MLLT6: variants seen among roughly 807,000 people sequenced by gnomAD.
MLLT6 encodes the protein protein AF-17.
A neutral mutation model predicts 103.0 loss-of-function variants in MLLT6; 22 were observed. The ratio of observed to expected loss-of-function variants is 0.21; its 90% confidence interval spans 0.15 to 0.31. The LOEUF (loss-of-function observed/expected upper bound fraction) is 0.31. Ranked by LOEUF, MLLT6 falls within the 10% of genes least tolerant of loss-of-function variation. The pLI, the probability that MLLT6 is intolerant of heterozygous loss-of-function variation, is 1.00. For missense variants in MLLT6, 1,199 were observed against 1,441.7 expected (o/e 0.83, Z 2.73); for synonymous variants, 606 against 623.5 (o/e 0.97, Z 0.42).
At position 38,715,641 on chromosome 17, in the gene MLLT6, C is replaced by G. The variant is rs758514048; in HGVS notation, c.849C>G (p.His283Gln). The G allele has an allele frequency of 5.0e-6, 8 of 1,613,702 alleles. No homozygotes were observed. The highest frequency in any genetic ancestry group is 2.2e-5 in the East Asian group (1 of 44,886). ...KVSSSASSSS[H>Q]HEASTQETSE... ...CCTCCTCGGCTTCCTCTTCCTCCCA[C>G]CACGAGGCCAGCACGCAGGAGACCT... The change falls in exon 9 of 20, where the codon CAC becomes CAG. Residue 283 changes from histidine (H) to glutamine (Q), a missense_variant. Physicochemically the swap from His to Gln is conservative, Grantham distance 24 (BLOSUM62 0). Around this residue, in one of 7 missense-constraint regions of MLLT6, gnomAD observed 1,034 missense variants for 1,091.5 expected, o/e 0.95. Transcript: ENST00000621332.
chr17:38,722,159 C>A lies in MLLT6; in HGVS notation c.2724C>A (p.Ala908=). ...GLLGGLNGAA[A]PNPASLSQAG... The stretch of plus-strand genomic sequence containing the variant: ...TTGGGGGGTTGAATGGGGCCGCTGC[C>A]CCCAACCCCGCAAGCTTGAGCCAGG... Residue 908 remains alanine, a synonymous_variant, in exon 17 of 20, where the codon GCC becomes GCA. Coordinates refer to ENST00000621332, the MANE Select transcript of MLLT6 (RefSeq NM_005937.4). The A allele has an allele frequency of 7.3e-7, 1 of 1,372,570 alleles. No homozygotes were observed. The highest frequency in any genetic ancestry group is 9.4e-7 in the Non-Finnish European group (1 of 1,068,468). The allele number at this position is 1,372,570 out of a possible 1,614,324, so 85.0% of individuals were successfully genotyped here.
Position 38,720,333 on chromosome 17 carries a change from C to T in MLLT6, c.2156-39C>T, listed in dbSNP as rs776797456. 1.5e-5 allele frequency: 22 copies of T among 1,444,032 alleles called. No individual in the cohort carries two copies. In the African/African-American group the frequency reaches 2.1e-4, roughly 14 times the overall value. 89.5% of individuals were successfully genotyped at this position (1,444,032 alleles called of 1,614,324 possible). A position where few individuals can be genotyped will look rare whatever the true frequency, so the allele number is the denominator to read the frequency against. ...CCCGGTCCCCTGGCCCCGCCTCCGC[C>T]CCCTCGCCCCTCCCTCAGGTTCCTC... On this transcript the variant is annotated intron_variant, in intron 14 of 19. Coordinates refer to ENST00000621332, the MANE Select transcript of MLLT6 (RefSeq NM_005937.4).
chr17:38,715,232 G>A (rs924648200), intron 8 of MLLT6: 19 of 177,140 alleles, frequency 1.1e-4, no homozygotes, highest in Admixed American at 2.9e-4. Context: ...TCTCTGCCTC[G>A]CCACTTCCAG....
At chr17:38,712,828 C>A in intron 8 of MLLT6, 39 bp downstream of exon 8, 1 of 1,497,634 alleles carries the variant, frequency 6.7e-7, no homozygotes, top group Non-Finnish European at 9.3e-7. Context: ...GTGTGTGGGT[C>A]TGGGGTGGCA....
rs538734981 is a variant in MLLT6 at position 38,707,670 on chromosome 17, T to C, written c.245-93T>C. Reference sequence around the variant, plus strand: ...TGGCGCTGGAATCTGATGGGAAGGCTGTGGAGGAGGGAACAGTCTGCAGCG... The same window carrying C: ...TGGCGCTGGAATCTGATGGGAAGGCCGTGGAGGAGGGAACAGTCTGCAGCG... On this transcript the variant is annotated intron_variant, in intron 3 of 19. Transcript: ENST00000621332. 1.9e-5 allele frequency: 23 copies of C among 1,239,662 alleles called. No individual in the cohort carries two copies. The African/African-American group carries it at 3.3e-4, about 18-fold the overall frequency. 76.8% of individuals were successfully genotyped at this position (1,239,662 alleles called of 1,614,324 possible).
chr17:38,720,886 A>C (rs1230258381), intron 16 of MLLT6, 139 bp downstream of exon 16: 1 of 750,156 alleles, frequency 1.3e-6, no homozygotes, highest in East Asian at 2.7e-5. Context: ...GTCCTCCCTT[A>C]ATCAAGTAAT....
chr17:38,719,520 C>G lies in MLLT6; in HGVS notation c.1946C>G (p.Pro649Arg). 6.2e-7 allele frequency: 1 copy of G among 1,610,050 alleles called. No individual in the cohort carries two copies. ...CCCAGCCTTCCCTTCTTCCAAGAGC[C>G]AGACCTGGAGGACTGCAGCTTCCGG... ...LSQAESSHTE[P>R]DLEDCSFRCR... Residue 649 changes from proline to arginine, a missense_variant, in exon 13 of 20, where the codon CCA becomes CGA. Pro to Arg is a moderately radical substitution (Grantham distance 103, BLOSUM62 -2). Coordinates refer to ENST00000621332, the MANE Select transcript of MLLT6 (RefSeq NM_005937.4).
Position 38,709,618 on chromosome 17 carries a change from GGTAA to G in MLLT6, c.552+45_552+48del. The G allele has an allele frequency of 6.6e-7, 1 of 1,503,882 alleles. No homozygotes were observed. Among genetic ancestry groups the G allele is most frequent in the Non-Finnish European group, 9.2e-7 (1 of 1,081,588 alleles). 93.2% of individuals were successfully genotyped at this position (1,503,882 alleles called of 1,614,324 possible). A position where few individuals can be genotyped will look rare whatever the true frequency, so the allele number is the denominator to read the frequency against. On this transcript the variant is annotated intron_variant, in intron 6 of 19. Coordinates refer to ENST00000621332, the MANE Select transcript of MLLT6 (RefSeq NM_005937.4). This position sits in a 1 kb window ranked among gnomAD's most constrained non-coding sequence, Gnocchi z 4.3. Reference sequence around the variant, plus strand: ...GCGCATGAGCGGGTCAGTCAGCTGTGGTAAGATGGTTAGAGGGCATGGGCTCTGG... The same window carrying G: ...GCGCATGAGCGGGTCAGTCAGCTGTGGATGGTTAGAGGGCATGGGCTCTGG...
chr17:38,724,668 C>T lies in MLLT6; in HGVS notation c.2932C>T (p.Arg978Trp), dbSNP rs769252847. ...GATGATCCAGCAGATCCAGCAGAAA[C>T]GGGAGCTGCAGCGCCTGCAGATGGC... ...YQMIQQIQQKRELQRLQMAGG... is the reference protein window; with the variant it reads ...YQMIQQIQQKWELQRLQMAGG... The change falls in exon 19 of 20, where the codon CGG (arginine) becomes TGG (tryptophan). Residue 978 changes from arginine to tryptophan, a missense_variant. Physicochemically the swap from Arg to Trp is moderately radical, Grantham distance 101. Coordinates refer to ENST00000621332, the MANE Select transcript of MLLT6 (RefSeq NM_005937.4). The surrounding 1 kb of genome is among the most constrained non-coding windows in gnomAD (Gnocchi z 5.4). 1.1e-5 allele frequency: 18 copies of T among 1,611,218 alleles called. No homozygotes were observed. Among genetic ancestry groups the T allele is most frequent in the Middle Eastern group, 1.6e-4 (1 of 6,074 alleles).
intron 4 of MLLT6, 59 bp downstream of exon 4, chr17:38,707,931 C>A: frequency 9.5e-7 from 1 of 1,053,832 alleles, no homozygotes; most frequent in Middle Eastern, 2.0e-4. Context: ...GTTCCTCCAA[C>A]GCTCTCTTCA....
intron 16 of MLLT6, chr17:38,721,077 C>G (rs1349017156): frequency 1.9e-5 from 8 of 432,248 alleles, no homozygotes; most frequent in African/African-American, 1.6e-4. Flanking sequence ...AGGGCTGCTT[C>G]TGTGGATAGA....
In MLLT6 at chr17:38,717,628, C is replaced by G. The variant is rs777417209; in HGVS notation, c.1833+15C>G. Reference sequence around the variant, plus strand: ...CCACCACTCAGGTGAGACCTGACTCCTGGGCTCCTCCTTCCCTGGGCAGGT... The same window carrying G: ...CCACCACTCAGGTGAGACCTGACTCGTGGGCTCCTCCTTCCCTGGGCAGGT... On this transcript the variant is annotated intron_variant, in intron 11 of 19. Transcript: ENST00000621332. 1.5e-5 allele frequency: 24 copies of G among 1,610,674 alleles called. No individual in the cohort carries two copies. Among genetic ancestry groups the G allele is most frequent in the Non-Finnish European group, 1.6e-5 (19 of 1,178,338 alleles).
intron 19 of MLLT6, 96 bp from the exon 20 acceptor site, chr17:38,725,460 AC>A: frequency 8.8e-7 from 1 of 1,133,980 alleles, no homozygotes; most frequent in East Asian, 2.6e-5. Flanking sequence ...CCGTTTCAGT[AC>A]CCCACAGCAG....
Position 38,709,056 on chromosome 17 carries a change from G to A in MLLT6, c.355-117G>A. 1.3e-6 allele frequency: 1 copy of A among 767,242 alleles called. No homozygotes were observed. The highest frequency in any genetic ancestry group is 2.2e-6 in the Non-Finnish European group (1 of 461,328). 47.5% of individuals were successfully genotyped at this position (767,242 alleles called of 1,614,324 possible). ...CGTTTTCATCACTGCAGACAGTTCTGTGGGATAGCACTGATCTAAGACTGT... is the reference window on the plus strand; with the variant it reads ...CGTTTTCATCACTGCAGACAGTTCTATGGGATAGCACTGATCTAAGACTGT... On this transcript the variant is annotated intron_variant, in intron 4 of 19. Coordinates refer to ENST00000621332, the MANE Select transcript of MLLT6 (RefSeq NM_005937.4). This position sits in a 1 kb window ranked among gnomAD's most constrained non-coding sequence, Gnocchi z 4.3.
At chr17:38,713,811 G>C (rs1905226153) in intron 8 of MLLT6, 1 of 152,352 alleles carries the variant, frequency 6.6e-6, no homozygotes, top group Non-Finnish European at 1.5e-5. Context: ...CTTCCCCCCA[G>C]CCCCTCTCTT....
chr17:38,710,145 C>T (rs1023709733), intron 6 of MLLT6, among the ~76,000 whole-genome samples: 5 of 152,272 alleles, frequency 3.3e-5, no homozygotes, highest in East Asian at 1.9e-4. Context: ...GAGGGACTAG[C>T]GTGGACAAAG....
At chr17:38,708,378 A>G (rs1905020458) in intron 4 of MLLT6, 1 of 154,978 alleles carries the variant, frequency 6.5e-6, no homozygotes. Context: ...TAAAGGAAGG[A>G]GACATTTAGG....
In MLLT6 at chr17:38,717,624, A is replaced by AGT; in HGVS notation, c.1833+11_1833+12insGT. ...ATCTCCACCACTCAGGTGAGACCTG[A>AGT]CTCCTGGGCTCCTCCTTCCCTGGGC... is the stretch of plus-strand genomic sequence containing the variant. On this transcript the variant is annotated intron_variant, in intron 11 of 19. Coordinates refer to ENST00000621332, the MANE Select transcript of MLLT6 (RefSeq NM_005937.4). 1 of 1,609,896 alleles carries AGT rather than the reference A, an allele frequency of 6.2e-7. No individual in the cohort carries two copies. The highest frequency in any genetic ancestry group is 2.2e-5 in the East Asian group (1 of 44,736).
chr17:38,728,176 C>T lies in MLLT6; in HGVS notation c.*2578C>T. The T allele has an allele frequency of 4.3e-6, 1 of 233,352 alleles. No homozygotes were observed. Among genetic ancestry groups the T allele is most frequent in the Non-Finnish European group, 8.5e-6 (1 of 118,110 alleles). The allele number at this position is 233,352 out of a possible 1,614,324, so 14.5% of individuals were successfully genotyped here. A position where few individuals can be genotyped will look rare whatever the true frequency, so the allele number is the denominator to read the frequency against. ...TATGAACGGGTGCAGCCCTCTTCTC[C>T]TCTTCCCCCCCACATCTCTCATGAG... On this transcript the variant is annotated 3_prime_UTR_variant, in exon 20 of 20. Coordinates refer to ENST00000621332, the MANE Select transcript of MLLT6 (RefSeq NM_005937.4).
Sources: gnomAD v4.1 joint callset for allele counts (sites outside exome capture counted in the v4.1 genomes callset) on GRCh38, gnomAD v4.1.1 for gene constraint, gnomAD v4.1.1 regional missense constraint, Gnocchi (gnomAD v3.1) non-coding constraint, MANE v1.5 for transcripts, NCBI Gene and HGNC (gene_info 2026-07-23, HGNC 2026-07-21) for gene names.